The following SLC45A1 variants were observed in gnomAD, a reference collection of about 807,000 sequenced individuals.
SLC45A1 encodes proton-associated sugar transporter A.
SLC45A1 carries 28 observed loss-of-function variants against 57.6 expected under a neutral mutation model. The observed-to-expected ratio is 0.49, with a 90% confidence interval of 0.36 to 0.67. The LOEUF is 0.67. Ranked by LOEUF, SLC45A1 falls within the 30% of genes least tolerant of loss-of-function variation. The pLI, the probability that SLC45A1 is intolerant of heterozygous loss-of-function variation, is 0.00. For synonymous variants in SLC45A1, 459 were observed against 471.5 expected (o/e 0.97, Z 0.34); for missense variants, 814 against 1,041.5 (o/e 0.78, Z 3.01).
At position 8,327,497 on chromosome 1, in the gene SLC45A1, T is replaced by A. The variant is rs1640238296; in HGVS notation, c.715+1455T>A. 6.6e-6 allele frequency among the ~76,000 whole-genome samples: 1 copy of A among 152,172 alleles called. No homozygotes were observed. The highest frequency in any genetic ancestry group is 2.4e-5 in the African/African-American group (1 of 41,432). ...TGCAGGAGTTCAGCATGATGCTTAG[T>A]TATCAATGTACTGTATAAAAATCAA... On this transcript the variant is annotated intron_variant, in intron 4 of 8. Coordinates refer to ENST00000471889, the MANE Select transcript of SLC45A1 (RefSeq NM_001080397.3). The surrounding 1 kb of genome is among the most constrained non-coding windows in gnomAD (Gnocchi z 4.3).
rs57414432 is a variant in SLC45A1 at position 8,320,692 on chromosome 1, T to TACACACACAC, written c.-25+2539_-25+2548dup. On this transcript the variant is annotated intron_variant, in intron 1 of 8. Coordinates refer to ENST00000471889, the MANE Select transcript of SLC45A1 (RefSeq NM_001080397.3). ...CTCTCTCTCTGTTTCTCTCTCTCTC[T>TACACACACAC]ACACACACACACACACACACACACA... Among the ~76,000 whole-genome samples the TACACACACAC allele has an allele frequency of 5.0e-4, 51 of 101,310 alleles. 1 individual carries two copies. Among genetic ancestry groups the TACACACACAC allele is most frequent in the African/African-American group, 1.5e-3 (46 of 31,536 alleles). 66.5% of individuals were successfully genotyped at this position (101,310 alleles called of 152,430 possible). A position where few individuals can be genotyped will look rare whatever the true frequency, so the allele number is the denominator to read the frequency against.
At position 8,330,546 on chromosome 1, in the gene SLC45A1, C is replaced by G; in HGVS notation, c.1053C>G (p.Phe351Leu). 6.2e-7 allele frequency: 1 copy of G among 1,613,342 alleles called. No individual in the cohort carries two copies. The highest frequency in any genetic ancestry group is 8.5e-7 in the Non-Finnish European group (1 of 1,179,972). Residue 351 changes from phenylalanine (F) to leucine (L), a missense_variant, in exon 5 of 9, where the codon TTC becomes TTG. Phe to Leu is a conservative substitution (Grantham distance 22). Coordinates refer to ENST00000471889, the MANE Select transcript of SLC45A1 (RefSeq NM_001080397.3). This position sits in a 1 kb window ranked among gnomAD's most constrained non-coding sequence, Gnocchi z 8.4. ...CCCTCACGCCCAAGTACGGCAGCTT[C>G]ATCAGCAGGGACAGCTCCCTGACGG... Reference protein sequence around the residue: ...PSPLTPKYGSFISRDSSLTGI... With the variant: ...PSPLTPKYGSLISRDSSLTGI...
rs1484270167 is a variant in SLC45A1, at chr1:8,325,964, C to A, written c.637C>A (p.Pro213Thr). ...MDFSADSADN[P>T]SHAYMMDVCS... ...CTTTAGCGCCGACTCGGCGGACAAC[C>A]CCAGCCACGCCTACATGATGGACGT... is the stretch of plus-strand genomic sequence containing the variant. The change falls in exon 4 of 9, where the codon CCC becomes ACC. Residue 213 changes from proline (P) to threonine (T), a missense_variant. Physicochemically the swap from Pro to Thr is conservative, Grantham distance 38 (BLOSUM62 -1). Transcript: ENST00000471889. This position sits in a 1 kb window ranked among gnomAD's most constrained non-coding sequence, Gnocchi z 6.3. 1.2e-6 allele frequency: 2 copies of A among 1,612,972 alleles called. No homozygotes were observed. The highest frequency in any genetic ancestry group is 1.7e-5 in the Admixed American group (1 of 60,026).
chr1:8,324,540 G>C lies in SLC45A1; in HGVS notation c.211G>C (p.Glu71Gln). The C allele has an allele frequency of 1.9e-6, 3 of 1,607,984 alleles. No individual in the cohort carries two copies. The African/African-American group carries it at 4.1e-5, about 22-fold the overall frequency. The change falls in exon 2 of 9, where the codon GAG (glutamate) becomes CAG (glutamine). Residue 71 changes from glutamate (E) to glutamine (Q), a missense_variant. Glu to Gln is a conservative substitution (Grantham distance 29). Coordinates refer to ENST00000471889, the MANE Select transcript of SLC45A1 (RefSeq NM_001080397.3). ...GCCCCCCAACACCCCGTGCCCGCTT[G>C]AGCTGGTGGACTTCGGGGACCTGCA... ...PPPPNTPCPL[E>Q]LVDFGDLHPQ...
intron 4 of SLC45A1, among the ~76,000 whole-genome samples, chr1:8,329,202 C>T (rs971750542): frequency 6.6e-6 from 1 of 152,170 alleles, no homozygotes; most frequent in Admixed American, 6.5e-5. Context: ...TGTCTGAAGC[C>T]CAAGCCTGTC....
chr1:8,318,645 C>T (rs1056333044), intron 1 of SLC45A1, among the ~76,000 whole-genome samples: 6 of 152,208 alleles, frequency 3.9e-5, no homozygotes, highest in Non-Finnish European at 8.8e-5. Context: ...CTTTCCCGAG[C>T]GAGTCAGCAC....
Position 8,330,405 on chromosome 1 carries a change from G to A in SLC45A1, c.912G>A (p.Lys304=), listed in dbSNP as rs761534679. 2.4e-5 allele frequency: 39 copies of A among 1,612,474 alleles called. No homozygotes were observed. In the East Asian group the frequency reaches 8.5e-4, roughly 35 times the overall value. The change falls in exon 5 of 9, where the codon AAG becomes AAA. Residue 304 remains lysine, a synonymous_variant. Transcript: ENST00000471889. The surrounding 1 kb of genome is among the most constrained non-coding windows in gnomAD (Gnocchi z 8.4). ...CGAGTGAGAAGCGGGCAGCCATGAA[G>A]AGCCCCAGCCTCCCGCTGCCCCCGT... is the stretch of plus-strand genomic sequence containing the variant. The part of the protein sequence containing the change: ...RPPSEKRAAM[K]SPSLPLPPSP...
intron 8 of SLC45A1, among the ~76,000 whole-genome samples, chr1:8,340,319 T>C (rs1034116753): frequency 2.0e-5 from 3 of 152,010 alleles, no homozygotes; most frequent in African/African-American, 4.8e-5. Context: ...CGCACCACCA[T>C]GCCCAGCTAA....
rs760108794 is a variant in SLC45A1, at chr1:8,343,972, G to C, written c.2206G>C (p.Ala736Pro). The C allele has an allele frequency of 6.2e-7, 1 of 1,613,448 alleles. No individual in the cohort carries two copies. The highest frequency in any genetic ancestry group is 8.5e-7 in the Non-Finnish European group (1 of 1,179,744). The change falls in exon 9 of 9, where the codon GCT (alanine) becomes CCT (proline). Residue 736 changes from alanine (A) to proline (P), a missense_variant. Transcript: ENST00000471889. The surrounding 1 kb of genome is among the most constrained non-coding windows in gnomAD (Gnocchi z 7.7). ...CATTTATGAAATTCCTCCCAGCGACGCTGCAGACGAGGAGCACCGGCCCCT... is the reference window on the plus strand; with the variant it reads ...CATTTATGAAATTCCTCCCAGCGACCCTGCAGACGAGGAGCACCGGCCCCT... ...FVIYEIPPSD[A>P]ADEEHRPLLL... is the part of the protein sequence containing the mutation.
At chr1:8,340,372 C>G (rs1347956533) in intron 8 of SLC45A1, among the ~76,000 whole-genome samples, 1 of 152,104 alleles carries the variant, frequency 6.6e-6, no homozygotes, top group Non-Finnish European at 1.5e-5. Context: ...CCATGTTGGT[C>G]AGGCTGGTCT....
chr1:8,330,101 G>T lies in SLC45A1; in HGVS notation c.716-108G>T, dbSNP rs548188672. 1.6e-5 allele frequency: 22 copies of T among 1,368,792 alleles called. No homozygotes were observed. The highest frequency in any genetic ancestry group is 2.1e-5 in the Admixed American group (1 of 48,640). 84.8% of individuals were successfully genotyped at this position (1,368,792 alleles called of 1,614,324 possible). On this transcript the variant is annotated intron_variant, in intron 4 of 8. Transcript: ENST00000471889. The surrounding 1 kb of genome is among the most constrained non-coding windows in gnomAD (Gnocchi z 8.4). Reference sequence around the variant, plus strand: ...TAGGTGGAACAGGTTCTGTGCCCACGTCCCTGGAATGGCCTTGGCTACCTT... The same window carrying T: ...TAGGTGGAACAGGTTCTGTGCCCACTTCCCTGGAATGGCCTTGGCTACCTT...
intron 8 of SLC45A1, among the ~76,000 whole-genome samples, chr1:8,339,962 G>A (rs1640758304): frequency 6.6e-6 from 1 of 152,194 alleles, no homozygotes; most frequent in Admixed American, 6.5e-5. Flanking sequence ...GTGGGGAATG[G>A]GAGGCTGCCC....
chr1:8,323,866 G>T (rs1166385449), intron 1 of SLC45A1, among the ~76,000 whole-genome samples: 1 of 152,186 alleles, frequency 6.6e-6, no homozygotes, highest in Non-Finnish European at 1.5e-5. Flanking sequence ...TGCCGGGGGG[G>T]TGGTTCCTAA....
chr1:8,336,998 A>G (rs3844030), intron 6 of SLC45A1, among the ~76,000 whole-genome samples: 37,797 of 151,736 alleles, frequency 0.25, 5,513 homozygotes, highest in East Asian at 0.66. Flanking sequence ...ATAGAAATAT[A>G]TGGTGGTTTA....
At chr1:8,331,983 G>A (rs562014696) in intron 5 of SLC45A1, among the ~76,000 whole-genome samples, 38 of 152,194 alleles carry the variant, frequency 2.5e-4, no homozygotes, top group African/African-American at 8.2e-4. Context: ...TAGTAGAGAC[G>A]GGGTTTCACT....
rs550696108 is a variant in SLC45A1 at position 8,335,845 on chromosome 1, C to T, written c.1597+255C>T. On this transcript the variant is annotated intron_variant, in intron 6 of 8. Coordinates refer to ENST00000471889, the MANE Select transcript of SLC45A1 (RefSeq NM_001080397.3). The surrounding 1 kb of genome is among the most constrained non-coding windows in gnomAD (Gnocchi z 4.1). ...GCCACATAGCTCACTCTGGGCCCGA[C>T]ACCTGGGTCCCCACAGAGCCAAAAT... 2.6e-5 allele frequency among the ~76,000 whole-genome samples: 4 copies of T among 152,308 alleles called. No homozygotes were observed. In the South Asian group the frequency reaches 8.3e-4, roughly 32 times the overall value.
At position 8,337,665 on chromosome 1, in the gene SLC45A1, G is replaced by A. The variant is rs367954421; in HGVS notation, c.1598-151G>A. On this transcript the variant is annotated intron_variant, in intron 6 of 8. Transcript: ENST00000471889. ...GATTTCCTGACCCTGTGATCCGCCCGCCTCAGCCTCCCAAAGTGCTGGGAT... is the reference window on the plus strand; with the variant it reads ...GATTTCCTGACCCTGTGATCCGCCCACCTCAGCCTCCCAAAGTGCTGGGAT... The A allele has an allele frequency of 5.4e-5, 34 of 627,910 alleles. 1 individual carries two copies. Among genetic ancestry groups the A allele is most frequent in the East Asian group, 1.5e-4 (5 of 33,930 alleles). The allele number at this position is 627,910 out of a possible 1,614,324, so 38.9% of individuals were successfully genotyped here.
Position 8,324,583 on chromosome 1 carries a change from G to A in SLC45A1, c.254G>A (p.Arg85Gln), listed in dbSNP as rs374248220. 2.5e-5 allele frequency: 39 copies of A among 1,584,112 alleles called. No homozygotes were observed. Among genetic ancestry groups the A allele is most frequent in the African/African-American group, 1.4e-4 (10 of 72,256 alleles). Reference protein sequence around the residue: ...FGDLHPQRSFRELLFNGCILF... With the variant: ...FGDLHPQRSFQELLFNGCILF... ...GACCTGCACCCCCAGAGGTCCTTCC[G>A]GGAGCTGCTTTTCAACGGCTGCATT... Residue 85 changes from arginine to glutamine, a missense_variant, in exon 2 of 9, where the codon CGG becomes CAG. Arg to Gln is a conservative substitution (Grantham distance 43). Coordinates refer to ENST00000471889, the MANE Select transcript of SLC45A1 (RefSeq NM_001080397.3).
In SLC45A1 at chr1:8,330,495, C is replaced by A; in HGVS notation, c.1002C>A (p.Phe334Leu). ...DSLPSHTATN[F>L]SSPISPPSPL... ...TCCCGTCGCACACGGCCACCAACTT[C>A]TCCAGCCCCATCTCGCCGCCCAGCC... The change falls in exon 5 of 9, where the codon TTC becomes TTA. Residue 334 changes from phenylalanine (F) to leucine (L), a missense_variant. Coordinates refer to ENST00000471889, the MANE Select transcript of SLC45A1 (RefSeq NM_001080397.3). The surrounding 1 kb of genome is among the most constrained non-coding windows in gnomAD (Gnocchi z 8.4). 1 of 1,613,080 alleles carries A rather than the reference C, an allele frequency of 6.2e-7. No individual in the cohort carries two copies. Among genetic ancestry groups the A allele is most frequent in the Non-Finnish European group, 8.5e-7 (1 of 1,179,942 alleles).
Sources: allele counts gnomAD v4.1 joint callset (sites outside exome capture counted in the v4.1 genomes callset), GRCh38; gene constraint gnomAD v4.1.1; non-coding constraint Gnocchi (gnomAD v3.1); transcripts MANE v1.5; gene names NCBI Gene and HGNC (gene_info 2026-07-23, HGNC 2026-07-21).